Variants in NCKAP5 observed in about 807,000 individuals in gnomAD.
NCKAP5 encodes the protein NCK associated protein 5.
In NCKAP5, 92 loss-of-function variants were observed where a neutral mutation model predicts 167.0. That is an observed-to-expected ratio of 0.55 (90% CI 0.47 to 0.66). NCKAP5 has a LOEUF of 0.66. Ranked by LOEUF, NCKAP5 falls within the 30% of genes least tolerant of loss-of-function variation. The probability of loss-of-function intolerance (pLI) is 0.00; values close to 1 mark genes in which losing one functional copy is unlikely to be tolerated. For missense variants in NCKAP5, 2,378 were observed against 2,315.0 expected (o/e 1.03, Z -0.56); for synonymous variants, 891 against 877.4 (o/e 1.02, Z -0.27).
the NCKAP5 span, among the ~76,000 whole-genome samples, chr2:133,584,880 T>C: frequency 8.2e-4 from 124 of 150,912 alleles, no homozygotes; most frequent in African/African-American, 3.0e-3. Context: ...AATAAAACTG[T>C]ATTATATTCA....
chr2:133,331,970 A>C (rs1682882612), intron 3 of NCKAP5, among the ~76,000 whole-genome samples: 1 of 152,170 alleles, frequency 6.6e-6, no homozygotes, highest in Non-Finnish European at 1.5e-5. Flanking sequence ...CAGGAATTAC[A>C]ATTCTTCCTC....
At chr2:132,938,007 A>G (rs1167816225) in intron 8 of NCKAP5, among the ~76,000 whole-genome samples, 1 of 152,232 alleles carries the variant, frequency 6.6e-6, no homozygotes, top group African/African-American at 2.4e-5. Context: ...GCCATGTTTC[A>G]ACGTGGACTA....
Position 133,554,567 on chromosome 2 carries a change from A to C in NCKAP5, c.-62+4483T>G, listed in dbSNP as rs80263480. The C allele has an allele frequency of 1.5e-4, 23 of 152,336 alleles. No homozygotes were observed. In the East Asian group the frequency reaches 4.4e-3, roughly 29 times the overall value. 9.4% of individuals were successfully genotyped at this position (152,336 alleles called of 1,614,324 possible). On this transcript the variant is annotated intron_variant, in intron 2 of 19. Transcript: ENST00000409261. ...TCTGATCAGTTCCTAGTACTGACTT[A>C]TACAATATATTTCTCATGTCTATTA...
the NCKAP5 span, among the ~76,000 whole-genome samples, chr2:133,650,051 A>G: frequency 2.0e-5 from 3 of 152,336 alleles, no homozygotes; most frequent in East Asian, 3.9e-4. Flanking sequence ...GTAAAAATAA[A>G]TTGTGTTTCA....
At chr2:132,745,850 G>GA (rs549891933) in intron 16 of NCKAP5, among the ~76,000 whole-genome samples, 79 of 151,738 alleles carry the variant, frequency 5.2e-4, no homozygotes, top group Admixed American at 9.9e-4. Flanking sequence ...ATCAAAATAT[G>GA]AAAAAAACAC....
intron 19 of NCKAP5, among the ~76,000 whole-genome samples, chr2:132,704,837 A>G (rs1441646941): frequency 6.6e-6 from 1 of 152,220 alleles, no homozygotes; most frequent in Non-Finnish European, 1.5e-5. Flanking sequence ...TTGAACATGG[A>G]TGTAGATAAA....
At chr2:132,805,745 A>C (rs1422713559) in intron 11 of NCKAP5, among the ~76,000 whole-genome samples, 1 of 151,668 alleles carries the variant, frequency 6.6e-6, no homozygotes, top group East Asian at 1.9e-4. Context: ...TATTTTTAAA[A>C]AATTTAATTT....
intron 5 of NCKAP5, among the ~76,000 whole-genome samples, chr2:133,164,792 C>A (rs545636946): frequency 6.6e-6 from 1 of 152,134 alleles, no homozygotes; most frequent in African/African-American, 2.4e-5. Context: ...ACTTAGGAGA[C>A]CCCTGAAGAT....
At chr2:133,478,474 C>A (rs781512051) in intron 3 of NCKAP5, among the ~76,000 whole-genome samples, 50 of 152,124 alleles carry the variant, frequency 3.3e-4, no homozygotes, top group Non-Finnish European at 5.0e-4. Flanking sequence ...CTCTGGAAGA[C>A]TCAGTTTATT....
intron 4 of NCKAP5, among the ~76,000 whole-genome samples, chr2:133,277,502 C>A (rs1337370995): frequency 1.3e-5 from 2 of 151,988 alleles, no homozygotes; most frequent in East Asian, 1.9e-4. Context: ...TCCTGTAAAT[C>A]ACAAAAATAG....
At chr2:132,922,764 G>A (rs981023414) in intron 8 of NCKAP5, among the ~76,000 whole-genome samples, 8 of 152,198 alleles carry the variant, frequency 5.3e-5, no homozygotes, top group Admixed American at 5.2e-4. Flanking sequence ...CATACAGCCA[G>A]CAAGACAGAG....
intron 3 of NCKAP5, among the ~76,000 whole-genome samples, chr2:133,315,050 A>G (rs1038660984): frequency 1.3e-5 from 2 of 152,188 alleles, no homozygotes; most frequent in Non-Finnish European, 2.9e-5. Context: ...CAGCTGCATA[A>G]GCCCTTGTAG....
chr2:133,450,098 A>G (rs993949520), intron 3 of NCKAP5, among the ~76,000 whole-genome samples: 4 of 152,136 alleles, frequency 2.6e-5, no homozygotes, highest in Admixed American at 2.6e-4. Flanking sequence ...ATACAGGCCA[A>G]GTTGAATTCC....
At chr2:133,173,580 C>T (rs1343630451) in intron 5 of NCKAP5, among the ~76,000 whole-genome samples, 1 of 152,036 alleles carries the variant, frequency 6.6e-6, no homozygotes, top group African/African-American at 2.4e-5. Flanking sequence ...TACCAGAATC[C>T]CCCCTTACCA....
chr2:132,783,095 C>T lies in NCKAP5; in HGVS notation c.3716G>A (p.Gly1239Glu), dbSNP rs1683202210. 6.2e-7 allele frequency: 1 copy of T among 1,613,638 alleles called. No individual in the cohort carries two copies. Among genetic ancestry groups the T allele is most frequent in the South Asian group, 1.1e-5 (1 of 91,032 alleles). ...ATCTACCCCATCCCTTCCATCACTC[C>T]CAGGGATGCTACTTTCCAATGGCTC... ...LQEPLESSIPGSDGRDGVDNR... is the reference protein window; with the variant it reads ...LQEPLESSIPESDGRDGVDNR... The change falls in exon 14 of 20, where the codon GGG becomes GAG. Residue 1239 changes from glycine to glutamate, a missense_variant. By Grantham distance (98) the Gly-to-Glu change is moderately conservative. This residue lies in a region of NCKAP5 where 1,325 missense variants were observed against 1,274.5 expected (regional missense o/e 1.04). Transcript: ENST00000409261.
intron 3 of NCKAP5, among the ~76,000 whole-genome samples, chr2:133,309,382 T>A (rs1681069230): frequency 6.6e-6 from 1 of 152,320 alleles, no homozygotes; most frequent in African/African-American, 2.4e-5. Flanking sequence ...ATTCTAAAGC[T>A]AGGCTCATGT....
At chr2:132,780,252 T>C (rs943498093) in intron 15 of NCKAP5, among the ~76,000 whole-genome samples, 18 of 152,174 alleles carry the variant, frequency 1.2e-4, no homozygotes, top group Non-Finnish European at 2.6e-4. Flanking sequence ...CCTGGGTTCA[T>C]GCCATTCTCC....
At chr2:132,891,357 G>A (rs1314228871) in intron 8 of NCKAP5, among the ~76,000 whole-genome samples, 1 of 152,176 alleles carries the variant, frequency 6.6e-6, no homozygotes, top group Non-Finnish European at 1.5e-5. Flanking sequence ...ACAGCACTTT[G>A]AGAGCTAGTG....
At chr2:132,795,551 T>A (rs1205475889) in intron 12 of NCKAP5, among the ~76,000 whole-genome samples, 1 of 152,124 alleles carries the variant, frequency 6.6e-6, no homozygotes, top group Admixed American at 6.5e-5. Flanking sequence ...CCCAGTGCAG[T>A]GGCTCATGCC....
Sources: gnomAD v4.1 joint callset for allele counts (sites outside exome capture counted in the v4.1 genomes callset) on GRCh38, gnomAD v4.1.1 for gene constraint, gnomAD v4.1.1 regional missense constraint, MANE v1.5 for transcripts, NCBI Gene and HGNC (gene_info 2026-07-23, HGNC 2026-07-21) for gene names.